PALM2AKAP2: variants seen among roughly 807,000 people sequenced by gnomAD.
PALM2AKAP2 encodes the protein PALM2 and AKAP2 fusion, also known as PALM2-AKAP2 fusion protein.
PALM2AKAP2 carries 37 observed loss-of-function variants against 71.5 expected under a neutral mutation model. The ratio of observed to expected loss-of-function variants is 0.52; its 90% CI spans 0.40 to 0.68. The LOEUF is 0.68. Among genes scored for constraint, PALM2AKAP2 ranks in the 30% least tolerant of loss-of-function variants. The probability of loss-of-function intolerance (pLI) is 0.00; values close to 1 mark genes in which losing one functional copy is unlikely to be tolerated. For missense variants in PALM2AKAP2, 1,224 were observed against 1,191.8 expected, an observed-to-expected ratio of 1.03 and a Z score of -0.40; for synonymous variants, 468 against 478.8, an observed-to-expected ratio of 0.98 and a Z score of 0.29.
At chr9:109,942,572 T>G (rs1309154301) in intron 6 of PALM2AKAP2, 37 of 1,163,362 alleles carry the variant, frequency 3.2e-5, no homozygotes, top group Non-Finnish European at 4.3e-5. Context: ...TCAAGATGCT[T>G]GGCAGTTAGA....
At chr9:109,763,033 G>C (rs1829082570) in intron 1 of PALM2AKAP2, among the ~76,000 whole-genome samples, 2 of 152,166 alleles carry the variant, frequency 1.3e-5, no homozygotes, top group Admixed American at 1.3e-4. Flanking sequence ...AGAGACCAGA[G>C]GGCAGCACTT....
At chr9:110,091,186 G>C (rs1162219295) in intron 1 of PALM2AKAP2, among the ~76,000 whole-genome samples, 1 of 152,132 alleles carries the variant, frequency 6.6e-6, no homozygotes, top group Non-Finnish European at 1.5e-5. Context: ...GTCTATATCA[G>C]TGTAGTGATA....
intron 1 of PALM2AKAP2, among the ~76,000 whole-genome samples, chr9:110,049,318 G>A (rs1434071713): frequency 6.6e-6 from 1 of 152,178 alleles, no homozygotes; most frequent in African/African-American, 2.4e-5. Flanking sequence ...TTGGGTGGCA[G>A]AGCCGGGGGC....
chr9:109,842,948 C>T (rs1257087726), intron 1 of PALM2AKAP2, among the ~76,000 whole-genome samples: 1 of 151,932 alleles, frequency 6.6e-6, no homozygotes, highest in East Asian at 1.9e-4. Flanking sequence ...CGAGACCAGA[C>T]CGACCAACGT....
At chr9:110,045,414 G>A (rs1833578640), upstream of PALM2AKAP2, among the ~76,000 whole-genome samples, 1 of 152,130 alleles carries the variant, frequency 6.6e-6, no homozygotes, top group Non-Finnish European at 1.5e-5. Flanking sequence ...ACCACAAGCA[G>A]GCAGTGGGTG....
intron 1 of PALM2AKAP2, among the ~76,000 whole-genome samples, chr9:109,715,826 T>G (rs1471302912): frequency 6.6e-6 from 1 of 152,258 alleles, no homozygotes; most frequent in Non-Finnish European, 1.5e-5. Context: ...TTTCTTCTTC[T>G]TCTTTCTTTT....
chr9:110,087,058 G>T (rs761267706), intron 1 of PALM2AKAP2, among the ~76,000 whole-genome samples: 6 of 152,064 alleles, frequency 3.9e-5, no homozygotes, highest in Non-Finnish European at 5.9e-5. Flanking sequence ...CTTTGCTCTT[G>T]CTATCCTTCC....
chr9:109,782,882 C>G (rs1826857955), intron 1 of PALM2AKAP2, among the ~76,000 whole-genome samples: 1 of 151,922 alleles, frequency 6.6e-6, no homozygotes, highest in Admixed American at 6.6e-5. Flanking sequence ...GGTCTAGTGC[C>G]TACTCTTCTG....
intron 7 of PALM2AKAP2, among the ~76,000 whole-genome samples, chr9:110,022,920 A>G (rs1450540219): frequency 1.3e-5 from 2 of 151,870 alleles, no homozygotes; most frequent in Admixed American, 6.6e-5. Context: ...TTCATTTTTT[A>G]TGGCTGCATA....
intron 1 of PALM2AKAP2, among the ~76,000 whole-genome samples, chr9:109,802,865 A>G (rs1187585171): frequency 6.6e-6 from 1 of 151,898 alleles, no homozygotes; most frequent in African/African-American, 2.4e-5. Flanking sequence ...TCTGCCACAT[A>G]GATTGTTCAT....
chr9:110,062,040 G>A (rs111823672), intron 1 of PALM2AKAP2, among the ~76,000 whole-genome samples: 2,455 of 151,864 alleles, frequency 0.016, 266 homozygotes, highest in African/African-American at 0.057. Context: ...TACTATGGTT[G>A]GGGGTATAAA....
At chr9:110,120,325 C>T (rs1835455153) in intron 1 of PALM2AKAP2, among the ~76,000 whole-genome samples, 1 of 152,182 alleles carries the variant, frequency 6.6e-6, no homozygotes, top group Non-Finnish European at 1.5e-5. Flanking sequence ...GTCTAAGATC[C>T]TTGACAAGGG....
chr9:109,644,199 C>T (rs1240021146), intron 1 of PALM2AKAP2, among the ~76,000 whole-genome samples: 2 of 152,076 alleles, frequency 1.3e-5, no homozygotes, highest in Non-Finnish European at 2.9e-5. Flanking sequence ...ATATAGTGAG[C>T]TTTTTCTTTC....
chr9:110,011,627 A>G (rs1023375012), intron 6 of PALM2AKAP2, among the ~76,000 whole-genome samples: 3 of 152,214 alleles, frequency 2.0e-5, no homozygotes, highest in Non-Finnish European at 4.4e-5. Flanking sequence ...ACATCTTCCT[A>G]TAAAGAAGTG....
intron 6 of PALM2AKAP2, among the ~76,000 whole-genome samples, chr9:110,004,733 T>C (rs1291609545): frequency 6.6e-6 from 1 of 152,220 alleles, no homozygotes; most frequent in African/African-American, 2.4e-5. Flanking sequence ...TGTTACTTTT[T>C]ATTCTTTTTT....
At chr9:109,880,779 C>T in intron 3 of PALM2AKAP2, 98 bp downstream of exon 3, 1 of 1,437,224 alleles carries the variant, frequency 7.0e-7, no homozygotes, top group Non-Finnish European at 9.2e-7. Context: ...GTTACCTTCT[C>T]CTGTACTTGA....
At chr9:109,656,274 G>T (rs1231707548) in intron 1 of PALM2AKAP2, among the ~76,000 whole-genome samples, 1 of 152,176 alleles carries the variant, frequency 6.6e-6, no homozygotes, top group East Asian at 1.9e-4. Flanking sequence ...TGGGGGAGAT[G>T]CTGGGGGAGA....
intron 1 of PALM2AKAP2, among the ~76,000 whole-genome samples, chr9:109,655,214 T>C (rs1429853529): frequency 6.7e-6 from 1 of 148,804 alleles, no homozygotes; most frequent in African/African-American, 2.5e-5. Context: ...GAGAATGGCA[T>C]GAACCTGGGA....
intron 6 of PALM2AKAP2, among the ~76,000 whole-genome samples, chr9:109,961,711 C>T (rs745726739): frequency 6.6e-6 from 1 of 152,200 alleles, no homozygotes; most frequent in African/African-American, 2.4e-5. Context: ...GGCAATTCTC[C>T]ATGATACAGA....
Sources: gnomAD v4.1 joint callset for allele counts (sites outside exome capture counted in the v4.1 genomes callset) on GRCh38, gnomAD v4.1.1 for gene constraint, MANE v1.5 for transcripts, NCBI Gene and HGNC (gene_info 2026-07-23, HGNC 2026-07-21) for gene names.